CHN2: variants seen among roughly 807,000 people sequenced by gnomAD.
CHN2 encodes the protein beta-chimaerin.
CHN2 carries 35 observed loss-of-function variants against 56.3 expected under a neutral mutation model. The ratio of observed to expected loss-of-function variants is 0.62; its 90% CI spans 0.47 to 0.82. The LOEUF is 0.82. Ranked by LOEUF, CHN2 falls within the 40% of genes least tolerant of loss-of-function variation. The probability of loss-of-function intolerance (pLI) is 0.00; values close to 1 mark genes in which losing one functional copy is unlikely to be tolerated. For missense variants in CHN2, 491 were observed against 580.5 expected (o/e 0.85, Z 1.58); for synonymous variants, 210 against 212.8 (o/e 0.99, Z 0.12).
rs796707208 is a variant in CHN2, at chr7:29,195,627, AGAGTGT to A, written c.49+639_49+644del. ...GAGAGAGAGAGAGAGAGAGAGAGAG[AGAGTGT>A]GTGTGTGTGTGTGTGTGAGAGAGAG... On this transcript the variant is annotated intron_variant, in intron 1 of 12. Transcript: ENST00000222792. Among the ~76,000 whole-genome samples, 1,677 of 116,702 alleles carry A rather than the reference AGAGTGT, an allele frequency of 0.014. 73 individuals carry two copies. The East Asian group carries it at 0.26, about 18-fold the overall frequency. 76.6% of individuals were successfully genotyped at this position (116,702 alleles called of 152,430 possible). A position where few individuals can be genotyped will look rare whatever the true frequency, so the allele number is the denominator to read the frequency against.
chr7:29,501,677 A>G (rs1361373314), intron 9 of CHN2, among the ~76,000 whole-genome samples: 1 of 152,184 alleles, frequency 6.6e-6, no homozygotes, highest in East Asian at 1.9e-4. Context: ...GACAGGTATT[A>G]GGGGCCTAAG....
At chr7:29,309,485 G>C (rs1166489786) in intron 1 of CHN2, among the ~76,000 whole-genome samples, 1 of 152,100 alleles carries the variant, frequency 6.6e-6, no homozygotes, top group Non-Finnish European at 1.5e-5. Context: ...AGTGGCCCCC[G>C]GTGGTGGGAG....
chr7:29,405,896 A>C (rs1802609253), intron 6 of CHN2, among the ~76,000 whole-genome samples: 2 of 152,092 alleles, frequency 1.3e-5, no homozygotes, highest in South Asian at 4.1e-4. Flanking sequence ...ATCTTTGCCT[A>C]GGAATGATTC....
At chr7:29,288,633 A>G (rs1329686847) in intron 1 of CHN2, among the ~76,000 whole-genome samples, 3 of 152,214 alleles carry the variant, frequency 2.0e-5, no homozygotes, top group Non-Finnish European at 4.4e-5. Flanking sequence ...CAGTGGCTCT[A>G]GTCAGCTTTA....
intron 1 of CHN2, chr7:29,292,952 A>G (rs1276337736): frequency 2.2e-6 from 1 of 456,036 alleles, no homozygotes; most frequent in East Asian, 6.9e-5. Context: ...AGCCCGAGAG[A>G]GCTTCCAAAA....
intron 6 of CHN2, among the ~76,000 whole-genome samples, chr7:29,409,966 CT>C (rs1803048813): frequency 6.6e-6 from 1 of 152,152 alleles, no homozygotes; most frequent in African/African-American, 2.4e-5. Flanking sequence ...ACTGGGCAGG[CT>C]ATGATGAGGA....
At chr7:29,293,401 C>A (rs1197096967) in intron 1 of CHN2, among the ~76,000 whole-genome samples, 1 of 138,660 alleles carries the variant, frequency 7.2e-6, no homozygotes, top group Admixed American at 7.4e-5. Context: ...GGTCCACTCT[C>A]AGTCCTTGCC....
upstream of CHN2, chr7:29,194,412 T>C (rs1027424142): frequency 2.0e-5 from 3 of 152,552 alleles, no homozygotes; most frequent in African/African-American, 7.2e-5. Flanking sequence ...GCGTCTCCTC[T>C]TCTTCCTTTG....
At chr7:29,415,864 T>C (rs1199262314) in intron 6 of CHN2, among the ~76,000 whole-genome samples, 1 of 152,198 alleles carries the variant, frequency 6.6e-6, no homozygotes, top group Non-Finnish European at 1.5e-5. Context: ...GTAGGCAAAA[T>C]TTTAAAAGCC....
intron 1 of CHN2, among the ~76,000 whole-genome samples, chr7:29,218,277 C>T (rs888145029): frequency 2.6e-5 from 4 of 151,378 alleles, no homozygotes; most frequent in East Asian, 2.0e-4. Context: ...AGTCATGCCT[C>T]GTGAAGGTAG....
chr7:29,330,666 G>C (rs1796145159), intron 1 of CHN2, among the ~76,000 whole-genome samples: 1 of 152,146 alleles, frequency 6.6e-6, no homozygotes, highest in African/African-American at 2.4e-5. Flanking sequence ...CATAATTGCA[G>C]CTGTGTGCAG....
intron 1 of CHN2, among the ~76,000 whole-genome samples, chr7:29,306,951 A>C (rs1423269334): frequency 6.6e-6 from 1 of 152,206 alleles, no homozygotes; most frequent in African/African-American, 2.4e-5. Context: ...TAAAGATGTG[A>C]CTAGTAACGT....
At chr7:29,263,038 G>T (rs1315437016) in intron 1 of CHN2, among the ~76,000 whole-genome samples, 3 of 152,040 alleles carry the variant, frequency 2.0e-5, no homozygotes, top group African/African-American at 4.8e-5. Context: ...CCCTTTGCAC[G>T]GTCCTCGTCT....
chr7:29,252,879 G>A (rs1200426142), intron 1 of CHN2, among the ~76,000 whole-genome samples: 1 of 117,898 alleles, frequency 8.5e-6, no homozygotes, highest in East Asian at 1.9e-4. Flanking sequence ...ACAGGCGTGA[G>A]CCACCGCGCC....
At position 29,305,458 on chromosome 7, in the gene CHN2, T is replaced by G. The variant is rs370730230; in HGVS notation, c.50-49167T>G. ...TAGTCTCTTCTATGATAAAGATCAGTTTTTTTTTTTAGTTTTGATACTTAT... is the reference window on the plus strand; with the variant it reads ...TAGTCTCTTCTATGATAAAGATCAGGTTTTTTTTTTAGTTTTGATACTTAT... On this transcript the variant is annotated intron_variant, in intron 1 of 12. Coordinates refer to ENST00000222792, the MANE Select transcript of CHN2 (RefSeq NM_004067.4). Among the ~76,000 whole-genome samples, 39 of 145,078 alleles carry G rather than the reference T, an allele frequency of 2.7e-4. No individual in the cohort carries two copies. In the East Asian group the frequency reaches 3.0e-3, roughly 11 times the overall value.
intron 3 of CHN2, among the ~76,000 whole-genome samples, chr7:29,369,100 T>A (rs1053262426): frequency 1.3e-5 from 2 of 152,282 alleles, no homozygotes; most frequent in Middle Eastern, 3.4e-3. Context: ...TTTTTTCAAA[T>A]GAGAGAAAAT....
intron 6 of CHN2, among the ~76,000 whole-genome samples, chr7:29,468,256 G>T (rs549177351): frequency 6.6e-6 from 1 of 150,414 alleles, no homozygotes; most frequent in Non-Finnish European, 1.5e-5. Flanking sequence ...GTGACTTTCT[G>T]GGGGAAGCAG....
At chr7:29,190,484 T>C (rs1299518468), upstream of CHN2, among the ~76,000 whole-genome samples, 1 of 152,214 alleles carries the variant, frequency 6.6e-6, no homozygotes, top group Non-Finnish European at 1.5e-5. Context: ...CAGTGCTTTC[T>C]TGTCTGCTTT....
intron 1 of CHN2, chr7:29,195,191 C>CAG (rs1783521826): frequency 2.0e-6 from 1 of 503,706 alleles, no homozygotes; most frequent in South Asian, 3.2e-5. Context: ...TCTGACAGCG[C>CAG]AGAGGTGGGA....
Sources: gnomAD v4.1 joint callset for allele counts (sites outside exome capture counted in the v4.1 genomes callset) on GRCh38, gnomAD v4.1.1 for gene constraint, MANE v1.5 for transcripts, NCBI Gene and HGNC (gene_info 2026-07-23, HGNC 2026-07-21) for gene names.